Variants in MAOB observed in about 807,000 individuals in gnomAD.
MAOB encodes amine oxidase [flavin-containing] B.
MAOB carries 15 observed loss-of-function variants against 41.9 expected under a neutral mutation model. The ratio of observed to expected loss-of-function variants is 0.36; its 90% CI spans 0.24 to 0.55. The LOEUF (loss-of-function observed/expected upper bound fraction) is 0.55. Ranked by LOEUF, MAOB falls within the 20% of genes least tolerant of loss-of-function variation. The pLI, the probability that MAOB is intolerant of heterozygous loss-of-function variation, is 0.86. For synonymous variants in MAOB, 167 were observed against 144.2 expected (o/e 1.16, Z -1.13); for missense variants, 345 against 398.7 (o/e 0.87, Z 1.15).
intron 4 of MAOB, 47 bp from the exon 5 acceptor site, chrX:43,802,310 T>C (rs2034604642): frequency 2.3e-6 from 2 of 860,358 alleles, no homozygotes; most frequent in Admixed American, 2.9e-5. Context: ...TGTAATTTTC[T>C]CTTTTATTTT....
intron 12 of MAOB, among the ~76,000 whole-genome samples, chrX:43,774,291 C>T (rs1232709915): frequency 9.0e-6 from 1 of 111,373 alleles, no homozygotes; most frequent in African/African-American, 3.3e-5. Context: ...CATTTATTGT[C>T]ATCAAATAAA....
At chrX:43,797,039 T>C (rs1182166560) in intron 6 of MAOB, 86 bp downstream of exon 6, 3 of 984,265 alleles carry the variant, frequency 3.0e-6, no homozygotes, top group Non-Finnish European at 4.1e-6. Flanking sequence ...TGCTTCCCAC[T>C]TCAGCAGTTC....
chrX:43,869,219 T>C, intron 1 of MAOB, among the ~76,000 whole-genome samples: 1 of 111,851 alleles, frequency 8.9e-6, no homozygotes, highest in Non-Finnish European at 1.9e-5. Flanking sequence ...AAGATCTCTC[T>C]CTCTCTATTA....
chrX:43,819,635 C>T (rs2034858465), intron 3 of MAOB, among the ~76,000 whole-genome samples: 1 of 112,022 alleles, frequency 8.9e-6, no homozygotes, highest in African/African-American at 3.3e-5. Context: ...ATGGGCACAG[C>T]AGCCTGTAGC....
intron 1 of MAOB, among the ~76,000 whole-genome samples, chrX:43,857,116 TAGAGAGAG>T (rs1163831661): frequency 0.019 from 217 of 11,235 alleles, 9 homozygotes; most frequent in Admixed American, 0.032. Context: ...TATATATATA[TAGAGAGAG>T]AGAGAGAGAG....
chrX:43,807,009 T>G (rs1455900905), intron 3 of MAOB, among the ~76,000 whole-genome samples: 1 of 111,812 alleles, frequency 8.9e-6, no homozygotes, highest in East Asian at 2.8e-4. Context: ...ATCTGTCATT[T>G]GTCCAAGAAG....
At chrX:43,785,256 G>A (rs2034384940) in intron 8 of MAOB, among the ~76,000 whole-genome samples, 1 of 113,016 alleles carries the variant, frequency 8.8e-6, no homozygotes. Context: ...AGCCCTTGCT[G>A]CTTCACCTTG....
intron 3 of MAOB, among the ~76,000 whole-genome samples, chrX:43,830,481 T>G (rs1415220499): frequency 2.7e-5 from 3 of 112,197 alleles, no homozygotes; most frequent in African/African-American, 9.7e-5. Context: ...TTTATTTATC[T>G]ATTTATGATC....
intron 11 of MAOB, among the ~76,000 whole-genome samples, chrX:43,777,730 A>G (rs772146926): frequency 2.4e-4 from 27 of 112,191 alleles, no homozygotes; most frequent in African/African-American, 8.7e-4. Flanking sequence ...TTAACAAGTT[A>G]AACATTCTCA....
At chrX:43,850,864 G>A (rs757886599) in intron 1 of MAOB, among the ~76,000 whole-genome samples, 4 of 112,045 alleles carry the variant, frequency 3.6e-5, no homozygotes, top group Non-Finnish European at 7.5e-5. Context: ...AGATGCAGCC[G>A]CTTTGAGATA....
rs768025315 is a variant in MAOB at position 43,775,205 on chromosome X, A to T, written c.1205T>A (p.Phe402Tyr). 6.4e-5 allele frequency: 77 copies of T among 1,200,394 alleles called. No individual in the cohort carries two copies. Among genetic ancestry groups the T allele is most frequent in the Non-Finnish European group, 8.4e-5 (75 of 891,816 alleles). The stretch of plus-strand genomic sequence containing the variant: ...ATATTGAGTCAGGATCCCAGGGGGG[A>T]AATAAGTTGTGTAGCAGCCCCCAGA... ...QYSGGCYTTY[F>Y]PPGILTQYGR... Residue 402 changes from phenylalanine to tyrosine, a missense_variant, in exon 12 of 15, where the codon TTC becomes TAC. Transcript: ENST00000378069.
At chrX:43,826,724 C>T (rs1200674275) in intron 3 of MAOB, among the ~76,000 whole-genome samples, 1 of 111,264 alleles carries the variant, frequency 9.0e-6, no homozygotes, top group African/African-American at 3.3e-5. Context: ...GGGCCAAACT[C>T]ATCCTTTTAT....
chrX:43,865,290 G>A (rs2035357878), intron 1 of MAOB, among the ~76,000 whole-genome samples: 1 of 112,111 alleles, frequency 8.9e-6, no homozygotes, highest in South Asian at 3.7e-4. Flanking sequence ...AATGAAAGAA[G>A]CCAGACACAG....
intron 10 of MAOB, 53 bp from the exon 11 acceptor site, chrX:43,778,792 A>C: frequency 1.0e-6 from 1 of 980,355 alleles, no homozygotes; most frequent in African/African-American, 1.9e-5. Context: ...GGAGGGAAAA[A>C]AAAAGTGGGA....
At position 43,769,294 on chromosome X, in the gene MAOB, C is replaced by A. The variant is rs1226369539; in HGVS notation, c.1347+13G>T. On this transcript the variant is annotated intron_variant, in intron 13 of 14. Transcript: ENST00000378069. ...TTGCCTCCTTCCCCATAATCTATGA[C>A]CCCAGACCCTACCTCTCGGGCTGCT... is the stretch of plus-strand genomic sequence containing the variant. The A allele has an allele frequency of 4.2e-6, 5 of 1,193,868 alleles. No individual in the cohort carries two copies. Among genetic ancestry groups the A allele is most frequent in the Non-Finnish European group, 1.1e-6 (1 of 888,486 alleles).
chrX:43,813,529 T>C (rs2034772902), intron 3 of MAOB, among the ~76,000 whole-genome samples: 1 of 112,425 alleles, frequency 8.9e-6, no homozygotes, highest in Non-Finnish European at 1.9e-5. Context: ...CCACTTCTCA[T>C]GTGGTCCAAA....
chrX:43,775,267 C>A lies in MAOB; in HGVS notation c.1143G>T (p.Val381=). The part of the protein sequence containing the change: ...VLGSLEALEP[V]HYEEKNWCEE... ...CACACCAGTTCTTTTCTTCATAATG[C>A]ACTGGCTGCAAGATAGAGCAACAAA... The change falls in exon 12 of 15, where the codon GTG becomes GTT. Residue 381 remains valine (V), a synonymous_variant. Coordinates refer to ENST00000378069, the MANE Select transcript of MAOB (RefSeq NM_000898.5). 1 of 1,204,562 alleles carries A rather than the reference C, an allele frequency of 8.3e-7. No individual in the cohort carries two copies.
chrX:43,882,036 T>C (rs2147186280), intron 1 of MAOB, among the ~76,000 whole-genome samples: 1 of 112,185 alleles, frequency 8.9e-6, no homozygotes, highest in South Asian at 3.7e-4. Flanking sequence ...GCAACAGGCT[T>C]CCAGCCTCTG....
chrX:43,781,603 G>GAT (rs2147125053), intron 8 of MAOB, 59 bp from the exon 9 acceptor site: 1 of 614,485 alleles, frequency 1.6e-6, no homozygotes, highest in East Asian at 3.7e-5. Context: ...ATCCATTACA[G>GAT]ATATAATGAA....
Sources: gnomAD v4.1 joint callset for allele counts (sites outside exome capture counted in the v4.1 genomes callset) on GRCh38, gnomAD v4.1.1 for gene constraint, MANE v1.5 for transcripts, NCBI Gene and HGNC (gene_info 2026-07-23, HGNC 2026-07-21) for gene names.